The following SDK1 variants were observed in gnomAD, a reference collection of about 807,000 sequenced individuals.
SDK1 encodes the protein protein sidekick-1.
A neutral mutation model predicts 245.5 loss-of-function variants in SDK1; 157 were observed. The observed-to-expected ratio is 0.64, with a 90% confidence interval of 0.56 to 0.73. The LOEUF (loss-of-function observed/expected upper bound fraction) is 0.73. Ranked by LOEUF, SDK1 falls within the 30% of genes least tolerant of loss-of-function variation. The probability of loss-of-function intolerance (pLI) is 0.00; values close to 1 mark genes in which losing one functional copy is unlikely to be tolerated. For synonymous variants in SDK1, 1,647 were observed against 1,278.5 expected, an observed-to-expected ratio of 1.29 and a Z score of -6.15; for missense variants, 3,583 against 3,002.3, an observed-to-expected ratio of 1.19 and a Z score of -4.52.
intron 1 of SDK1, among the ~76,000 whole-genome samples, chr7:3,546,105 G>A (rs1020629064): frequency 6.6e-6 from 1 of 152,206 alleles, no homozygotes; most frequent in Non-Finnish European, 1.5e-5. Flanking sequence ...GAGTGCCTCA[G>A]GGTTGCCTGG....
chr7:3,707,316 C>G (rs1784918812), intron 4 of SDK1, among the ~76,000 whole-genome samples: 1 of 152,216 alleles, frequency 6.6e-6, no homozygotes, highest in African/African-American at 2.4e-5. Flanking sequence ...ATTCAAAAAT[C>G]ATTCCAGGAG....
intron 1 of SDK1, among the ~76,000 whole-genome samples, chr7:3,441,192 C>T (rs999457328): frequency 6.6e-6 from 1 of 152,036 alleles, no homozygotes; most frequent in Non-Finnish European, 1.5e-5. Context: ...TATTTTATTA[C>T]TAGTTATTGT....
At position 3,534,226 on chromosome 7, in the gene SDK1, C is replaced by T. The variant is rs73303071; in HGVS notation, c.299-84854C>T. Among the ~76,000 whole-genome samples, 1,297 of 151,888 alleles carry T rather than the reference C, an allele frequency of 8.5e-3. 22 individuals are homozygous for T. The highest frequency in any genetic ancestry group is 0.029 in the African/African-American group (1,213 of 41,500). On this transcript the variant is annotated intron_variant, in intron 1 of 44. Coordinates refer to ENST00000404826, the MANE Select transcript of SDK1 (RefSeq NM_152744.4). The stretch of plus-strand genomic sequence containing the variant: ...CATCTTGTCACATATTGCAGGATTT[C>T]GCTCTTTTTTTTAAGTTAATATTCC...
chr7:3,682,284 A>C (rs989485471), intron 4 of SDK1, among the ~76,000 whole-genome samples: 1 of 152,214 alleles, frequency 6.6e-6, no homozygotes, highest in Non-Finnish European at 1.5e-5. Context: ...CAGAGCTGAC[A>C]CACAAATCTT....
At chr7:3,672,622 A>G (rs1359274149) in intron 4 of SDK1, among the ~76,000 whole-genome samples, 1 of 141,606 alleles carries the variant, frequency 7.1e-6, no homozygotes, top group Admixed American at 7.3e-5. Flanking sequence ...AATATAATAT[A>G]TAATAATATA....
chr7:4,037,727 G>A (rs1444751162), intron 17 of SDK1, among the ~76,000 whole-genome samples: 4 of 152,042 alleles, frequency 2.6e-5, no homozygotes, highest in African/African-American at 7.2e-5. Flanking sequence ...TTTATTAGAC[G>A]TGCCATTCTG....
At chr7:4,120,719 C>T (rs944399402) in intron 25 of SDK1, among the ~76,000 whole-genome samples, 12 of 152,036 alleles carry the variant, frequency 7.9e-5, no homozygotes, top group African/African-American at 1.2e-4. Flanking sequence ...TGGGTGCAAG[C>T]GATTCTCCTG....
intron 1 of SDK1, among the ~76,000 whole-genome samples, chr7:3,322,658 A>G (rs1405643986): frequency 6.6e-6 from 1 of 152,220 alleles, no homozygotes; most frequent in African/African-American, 2.4e-5. Flanking sequence ...AAAAAAATTC[A>G]GTGGCATTCA....
chr7:3,594,916 A>G (rs1459009369), intron 1 of SDK1, among the ~76,000 whole-genome samples: 1 of 152,224 alleles, frequency 6.6e-6, no homozygotes, highest in Non-Finnish European at 1.5e-5. Context: ...AAGCTAAATC[A>G]TCATTAATGT....
intron 30 of SDK1, among the ~76,000 whole-genome samples, chr7:4,151,294 C>T (rs750842573): frequency 8.1e-4 from 124 of 152,186 alleles, no homozygotes; most frequent in Non-Finnish European, 1.6e-3. Flanking sequence ...CACCCTGGCA[C>T]AGTCACCCTC....
At chr7:4,114,911 C>T (rs1376204928) in intron 25 of SDK1, among the ~76,000 whole-genome samples, 2 of 152,188 alleles carry the variant, frequency 1.3e-5, no homozygotes, top group Non-Finnish European at 2.9e-5. Context: ...TGTTCATCTT[C>T]TTGGGGCTCA....
intron 5 of SDK1, among the ~76,000 whole-genome samples, chr7:3,922,281 T>C (rs937778633): frequency 2.0e-5 from 3 of 152,110 alleles, no homozygotes; most frequent in African/African-American, 4.8e-5. Context: ...CAGGATTCAG[T>C]CGGGATGTGC....
intron 1 of SDK1, among the ~76,000 whole-genome samples, chr7:3,337,101 G>A (rs929610430): frequency 6.6e-6 from 1 of 152,282 alleles, no homozygotes; most frequent in East Asian, 1.9e-4. Context: ...ATCAGCAGGT[G>A]CTAACTGATT....
chr7:3,644,239 A>T (rs1010036783), intron 4 of SDK1, among the ~76,000 whole-genome samples: 2 of 43,602 alleles, frequency 4.6e-5, no homozygotes, highest in Non-Finnish European at 9.1e-5. Flanking sequence ...TTGGGAACAA[A>T]AATTTATATA....
At chr7:3,672,585 A>G (rs1783737477) in intron 4 of SDK1, among the ~76,000 whole-genome samples, 1 of 142,508 alleles carries the variant, frequency 7.0e-6, no homozygotes, top group African/African-American at 2.6e-5. Context: ...GTGGAGAAAT[A>G]TATATATATA....
intron 4 of SDK1, among the ~76,000 whole-genome samples, chr7:3,742,844 G>A (rs1779514870): frequency 6.6e-6 from 1 of 152,112 alleles, no homozygotes; most frequent in African/African-American, 2.4e-5. Context: ...CGAATGGATC[G>A]GTTATTGGAA....
At chr7:3,647,118 G>T (rs547801464) in intron 4 of SDK1, among the ~76,000 whole-genome samples, 1 of 152,172 alleles carries the variant, frequency 6.6e-6, no homozygotes, top group Non-Finnish European at 1.5e-5. Context: ...ACGGATGGTG[G>T]CTCACACCTG....
chr7:3,505,439 T>TG (rs1183062950), intron 1 of SDK1, among the ~76,000 whole-genome samples: 1 of 152,078 alleles, frequency 6.6e-6, no homozygotes, highest in Non-Finnish European at 1.5e-5. Flanking sequence ...TTTGCAGGGA[T>TG]GGGGTCTCAC....
At chr7:4,256,548 C>G (rs1787639486) in intron 44 of SDK1, among the ~76,000 whole-genome samples, 1 of 152,210 alleles carries the variant, frequency 6.6e-6, no homozygotes, top group African/African-American at 2.4e-5. Context: ...ATAGGACTAT[C>G]AAAAAAGTGG....
Sources: allele counts gnomAD v4.1 joint callset (sites outside exome capture counted in the v4.1 genomes callset), GRCh38; gene constraint gnomAD v4.1.1; transcripts MANE v1.5; gene names NCBI Gene and HGNC (gene_info 2026-07-23, HGNC 2026-07-21).